Variants in NGLY1 observed in about 807,000 individuals in gnomAD.
NGLY1 encodes N-glycanase 1, also known as peptide-N(4)-(N-acetyl-beta-glucosaminyl)asparagine amidase.
NGLY1 carries 68 observed loss-of-function variants against 84.6 expected under a neutral mutation model. The observed-to-expected ratio is 0.80, with a 90% CI of 0.66 to 0.98. The LOEUF (loss-of-function observed/expected upper bound fraction) is 0.98. Ranked by LOEUF, NGLY1 falls within the 50% of genes least tolerant of loss-of-function variation. The pLI is 0.00. For synonymous variants in NGLY1, 280 were observed against 275.2 expected (o/e 1.02, Z -0.17); for missense variants, 779 against 770.2 (o/e 1.01, Z -0.14).
chr3:25,766,069 T>C (rs868846587), intron 2 of NGLY1, among the ~76,000 whole-genome samples: 56 of 136,878 alleles, frequency 4.1e-4, no homozygotes, highest in African/African-American at 1.6e-3. Context: ...AGATTAATAC[T>C]TTTTTTTTTT....
chr3:25,734,068 T>C, intron 7 of NGLY1, 86 bp from the exon 8 acceptor site: 2 of 1,544,734 alleles, frequency 1.3e-6, no homozygotes, highest in South Asian at 2.4e-5. Flanking sequence ...TATGTAATTT[T>C]TAAATGCATT....
intron 10 of NGLY1, among the ~76,000 whole-genome samples, chr3:25,721,307 T>A (rs1419869151): frequency 1.3e-5 from 2 of 152,188 alleles, no homozygotes; most frequent in African/African-American, 4.8e-5. Context: ...CTCAGTCTCC[T>A]GAGTTGCTGA....
chr3:25,725,925 A>T (rs1158636885), intron 10 of NGLY1, among the ~76,000 whole-genome samples: 5 of 152,160 alleles, frequency 3.3e-5, no homozygotes, highest in African/African-American at 1.2e-4. Flanking sequence ...GTTGACCCAC[A>T]TGTCTTTCAC....
intron 10 of NGLY1, among the ~76,000 whole-genome samples, chr3:25,721,708 C>T (rs1045885654): frequency 7.5e-6 from 1 of 132,710 alleles, no homozygotes; most frequent in African/African-American, 2.8e-5. Context: ...GAGACTGCGC[C>T]ATTGCACTCC....
chr3:25,740,769 T>C (rs1467645528), intron 4 of NGLY1, among the ~76,000 whole-genome samples: 3 of 152,154 alleles, frequency 2.0e-5, no homozygotes, highest in African/African-American at 4.8e-5. Flanking sequence ...GCTGATAACC[T>C]TCCACAAATT....
chr3:25,719,485 A>G lies in NGLY1; in HGVS notation c.1940T>C (p.Ile647Thr). The change falls in exon 12 of 12, where the codon ATA becomes ACA. Residue 647 changes from isoleucine to threonine, a missense_variant. Physicochemically the swap from Ile to Thr is moderately conservative, Grantham distance 89. Transcript: ENST00000280700. ...TCAAAGGTCACTGAATTTTATAATTATCTCCAAACAATTTTCTTCATGGTC... is the reference window on the plus strand; with the variant it reads ...TCAAAGGTCACTGAATTTTATAATTGTCTCCAAACAATTTTCTTCATGGTC... ...LNDHEENCLE[I>T]IIKFSDL 6.2e-7 allele frequency: 1 copy of G among 1,613,776 alleles called. No homozygotes were observed. The highest frequency in any genetic ancestry group is 8.5e-7 in the Non-Finnish European group (1 of 1,179,812).
At chr3:25,779,979 T>C (rs1398893300) in intron 1 of NGLY1, among the ~76,000 whole-genome samples, 1 of 152,140 alleles carries the variant, frequency 6.6e-6, no homozygotes, top group Non-Finnish European at 1.5e-5. Flanking sequence ...TACAAGTGCA[T>C]AAAAATGAAG....
chr3:25,725,761 C>G (rs563470788), intron 10 of NGLY1, among the ~76,000 whole-genome samples: 2 of 152,050 alleles, frequency 1.3e-5, no homozygotes, highest in South Asian at 2.1e-4. Flanking sequence ...AAAAAAAATA[C>G]TTGTAGAGTG....
chr3:25,733,295 T>C (rs919889662), intron 8 of NGLY1, among the ~76,000 whole-genome samples: 1 of 152,204 alleles, frequency 6.6e-6, no homozygotes, highest in African/African-American at 2.4e-5. Context: ...TCACTGCTTA[T>C]TTTTTAATTT....
chr3:25,742,834 AT>A (rs1244193854), intron 4 of NGLY1, among the ~76,000 whole-genome samples: 1 of 140,832 alleles, frequency 7.1e-6, no homozygotes, highest in African/African-American at 2.6e-5. Flanking sequence ...CCCTCAGAGG[AT>A]ATCCATGTCC....
intron 2 of NGLY1, among the ~76,000 whole-genome samples, chr3:25,774,409 G>A (rs1708053088): frequency 6.6e-6 from 1 of 152,214 alleles, no homozygotes; most frequent in Non-Finnish European, 1.5e-5. Context: ...AGACCATCAG[G>A]TGAAGGCAGG....
At chr3:25,759,917 AACACAC>A (rs71624610) in intron 3 of NGLY1, among the ~76,000 whole-genome samples, 1 of 41,732 alleles carries the variant, frequency 2.4e-5, no homozygotes, top group Non-Finnish European at 1.0e-4. Flanking sequence ...TAGTTAAAAA[AACACAC>A]ACACACACAC....
At chr3:25,746,199 T>C (rs998064685) in intron 4 of NGLY1, among the ~76,000 whole-genome samples, 2 of 152,178 alleles carry the variant, frequency 1.3e-5, no homozygotes, top group Non-Finnish European at 2.9e-5. Flanking sequence ...AGCCTGTCCT[T>C]CTCTGCCTCT....
chr3:25,789,685 CACAATT>C (rs1333675967), intron 1 of NGLY1: 2 of 772,044 alleles, frequency 2.6e-6, no homozygotes, highest in Non-Finnish European at 4.2e-6. Context: ...CCACTTTACT[CACAATT>C]ACTAATAACG....
At chr3:25,734,827 A>G (rs2125472833) in intron 7 of NGLY1, 2 of 944,494 alleles carry the variant, frequency 2.1e-6, no homozygotes, top group Middle Eastern at 5.4e-4. Flanking sequence ...ATGATAAAAA[A>G]GTGAAAATTT....
chr3:25,784,915 T>A (rs1708568586), upstream of NGLY1, among the ~76,000 whole-genome samples: 1 of 152,184 alleles, frequency 6.6e-6, no homozygotes, highest in Non-Finnish European at 1.5e-5. Flanking sequence ...GGTGTCATAA[T>A]GTCAGTGGAC....
chr3:25,781,191 T>C (rs1429150121), intron 1 of NGLY1, among the ~76,000 whole-genome samples: 1 of 152,144 alleles, frequency 6.6e-6, no homozygotes, highest in African/African-American at 2.4e-5. Context: ...GCTCAAGCAA[T>C]CCGCCCACCT....
At chr3:25,737,585 C>T in intron 5 of NGLY1, 130 bp from the exon 6 acceptor site, 1 of 852,646 alleles carries the variant, frequency 1.2e-6, no homozygotes, top group Non-Finnish European at 1.7e-6. Flanking sequence ...CTCTGTCACC[C>T]AGGCTGGAGT....
In NGLY1 at chr3:25,742,551, G is replaced by A. The variant is rs576252724; in HGVS notation, c.659-2752C>T. The stretch of plus-strand genomic sequence containing the variant: ...AGAACAGAACTGAATGGCAGGGAGA[G>A]TTTGGCGTTTCCCATATAATATGAA... On this transcript the variant is annotated intron_variant, in intron 4 of 11. Coordinates refer to ENST00000280700, the MANE Select transcript of NGLY1 (RefSeq NM_018297.4). Among the ~76,000 whole-genome samples the A allele has an allele frequency of 5.3e-5, 8 of 152,284 alleles. No individual in the cohort carries two copies. The South Asian group carries it at 1.7e-3, about 32-fold the overall frequency.
Sources: gnomAD v4.1 joint callset for allele counts (sites outside exome capture counted in the v4.1 genomes callset) on GRCh38, gnomAD v4.1.1 for gene constraint, MANE v1.5 for transcripts, NCBI Gene and HGNC (gene_info 2026-07-23, HGNC 2026-07-21) for gene names.